The following NOX4 variants were observed in gnomAD, a reference collection of about 807,000 sequenced individuals.
The protein encoded by NOX4 is NADPH oxidase 4.
Under a neutral mutation model 87.6 loss-of-function variants are expected in NOX4, and 69 were observed. That is an observed-to-expected ratio of 0.79 (90% CI 0.65 to 0.96). The LOEUF (loss-of-function observed/expected upper bound fraction) is 0.96, where lower values mean the gene tolerates loss of function less well. Ranked by LOEUF, NOX4 falls within the 40% of genes least tolerant of loss-of-function variation. The pLI is 0.00. For missense variants in NOX4, 680 were observed against 681.5 expected (o/e 1.00, Z 0.02); for synonymous variants, 275 against 238.2 (o/e 1.15, Z -1.42).
chr11:89,533,540 GAA>G, the NOX4 span: 1 of 151,482 alleles, frequency 6.6e-6, no homozygotes, highest in South Asian at 2.1e-4. Context: ...GTTGCTGCTT[GAA>G]AAAAAGCTGC....
chr11:89,436,805 G>A (rs1208366778), intron 6 of NOX4, among the ~76,000 whole-genome samples: 1 of 151,892 alleles, frequency 6.6e-6, no homozygotes, highest in African/African-American at 2.4e-5. Flanking sequence ...TATATAGTAA[G>A]CATTTTTAAA....
intron 12 of NOX4, among the ~76,000 whole-genome samples, chr11:89,371,173 G>A (rs1345665715): frequency 6.6e-6 from 1 of 151,844 alleles, no homozygotes; most frequent in Non-Finnish European, 1.5e-5. Flanking sequence ...ATTGTTGTAA[G>A]GCAGCTAAAT....
chr11:89,348,276 A>T (rs796533030), intron 13 of NOX4, among the ~76,000 whole-genome samples: 1 of 152,030 alleles, frequency 6.6e-6, no homozygotes, highest in African/African-American at 2.4e-5. Context: ...TTAGCTGGGC[A>T]TGGTAGCACA....
chr11:89,424,899 A>G (rs1943292890), intron 7 of NOX4, among the ~76,000 whole-genome samples: 1 of 152,150 alleles, frequency 6.6e-6, no homozygotes, highest in African/African-American at 2.4e-5. Flanking sequence ...ATCTGTCTCC[A>G]TGATTCATTT....
the NOX4 span, among the ~76,000 whole-genome samples, chr11:89,570,001 CAAA>C: frequency 1.2e-4 from 13 of 109,914 alleles, no homozygotes; most frequent in Admixed American, 1.8e-4. Flanking sequence ...GACTCTGTCT[CAAA>C]AAAAAAAAAA....
intron 17 of NOX4, among the ~76,000 whole-genome samples, chr11:89,335,398 T>C (rs1945659667): frequency 6.6e-6 from 1 of 151,644 alleles, no homozygotes; most frequent in Admixed American, 6.6e-5. Context: ...ATGCAGAGAG[T>C]TTTTTGAAAA....
intron 11 of NOX4, among the ~76,000 whole-genome samples, chr11:89,386,627 C>G (rs542278761): frequency 6.6e-6 from 1 of 152,216 alleles, no homozygotes; most frequent in African/African-American, 2.4e-5. Context: ...GCTGGCTTTG[C>G]ATTTCTCTTT....
At chr11:89,362,342 C>T (rs1685560927) in intron 12 of NOX4, among the ~76,000 whole-genome samples, 1 of 152,038 alleles carries the variant, frequency 6.6e-6, no homozygotes, top group African/African-American at 2.4e-5. Flanking sequence ...TAAATCATTT[C>T]TCTTTTTCCA....
chr11:89,588,597 G>A, the NOX4 span, among the ~76,000 whole-genome samples: 1 of 152,160 alleles, frequency 6.6e-6, no homozygotes, highest in African/African-American at 2.4e-5. Context: ...TTTCACCTGG[G>A]TGTATGCTGC....
chr11:89,365,183 T>C (rs1363411381), intron 12 of NOX4, among the ~76,000 whole-genome samples: 2 of 152,108 alleles, frequency 1.3e-5, no homozygotes, highest in East Asian at 3.9e-4. Flanking sequence ...AATGCAGTAT[T>C]ACACAAAGGA....
intron 11 of NOX4, among the ~76,000 whole-genome samples, chr11:89,382,613 C>T (rs931007391): frequency 1.3e-5 from 2 of 152,140 alleles, no homozygotes; most frequent in Non-Finnish European, 2.9e-5. Flanking sequence ...ACCGACCCAT[C>T]TGACTTCTCC....
chr11:89,349,239 A>G (rs1946347480), intron 13 of NOX4, among the ~76,000 whole-genome samples: 1 of 152,030 alleles, frequency 6.6e-6, no homozygotes, highest in South Asian at 2.1e-4. Context: ...GTGAGCCGAA[A>G]TTGCACCACT....
At chr11:89,337,387 T>C in intron 16 of NOX4, 60 bp downstream of exon 16, 3 of 1,604,270 alleles carry the variant, frequency 1.9e-6, no homozygotes, top group Non-Finnish European at 2.6e-6. Flanking sequence ...CCACCACAGC[T>C]CCTACAGTAA....
At chr11:89,495,042 A>T (rs571103777), upstream of NOX4, among the ~76,000 whole-genome samples, 1 of 152,336 alleles carries the variant, frequency 6.6e-6, no homozygotes, top group South Asian at 2.1e-4. Context: ...ACCCAAGCTC[A>T]GGTGATCTTC....
At chr11:89,527,568 C>T in the NOX4 span, among the ~76,000 whole-genome samples, 1 of 152,152 alleles carries the variant, frequency 6.6e-6, no homozygotes, top group African/African-American at 2.4e-5. Flanking sequence ...GGAATTGATG[C>T]CCTGTGTCCC....
chr11:89,353,146 T>A (rs1220921386), intron 13 of NOX4, among the ~76,000 whole-genome samples: 1 of 152,194 alleles, frequency 6.6e-6, no homozygotes, highest in African/African-American at 2.4e-5. Context: ...AAAGAAGCTA[T>A]GAAAATGCTG....
intron 2 of NOX4, among the ~76,000 whole-genome samples, chr11:89,485,225 C>T (rs1946545810): frequency 6.6e-6 from 1 of 151,932 alleles, no homozygotes; most frequent in African/African-American, 2.4e-5. Context: ...TGCTCAAGAG[C>T]ATAGATATTT....
the NOX4 span, among the ~76,000 whole-genome samples, chr11:89,586,260 A>G: frequency 6.6e-6 from 1 of 152,114 alleles, no homozygotes; most frequent in African/African-American, 2.4e-5. Context: ...TTCCTTTTCT[A>G]TTCAACTGAA....
chr11:89,501,963 A>G (rs1947026760), upstream of NOX4, among the ~76,000 whole-genome samples: 1 of 152,042 alleles, frequency 6.6e-6, no homozygotes, highest in African/African-American at 2.4e-5. Context: ...CCACCATTAT[A>G]TATCAGGACA....
Sources: allele counts gnomAD v4.1 joint callset (sites outside exome capture counted in the v4.1 genomes callset), GRCh38; gene constraint gnomAD v4.1.1; transcripts MANE v1.5; gene names NCBI Gene and HGNC (gene_info 2026-07-23, HGNC 2026-07-21).